Variants in XPR1 observed in about 807,000 individuals in gnomAD.
XPR1 encodes solute carrier family 53 member 1.
In XPR1, 28 loss-of-function variants were observed where a neutral mutation model predicts 87.5. The ratio of observed to expected loss-of-function variants is 0.32; its 90% confidence interval spans 0.24 to 0.44. The LOEUF is 0.44. Ranked by LOEUF, XPR1 falls within the 20% of genes least tolerant of loss-of-function variation. The probability of loss-of-function intolerance (pLI) is 1.00; values close to 1 mark genes in which losing one functional copy is unlikely to be tolerated. For missense variants in XPR1, 559 were observed against 862.3 expected (o/e 0.65, Z 4.41); for synonymous variants, 300 against 306.1 (o/e 0.98, Z 0.21).
At chr1:180,812,973 T>TAGC (rs1481233906) in intron 7 of XPR1, among the ~76,000 whole-genome samples, 1 of 151,920 alleles carries the variant, frequency 6.6e-6, no homozygotes, top group Non-Finnish European at 1.5e-5. Flanking sequence ...GTTTAGTGTA[T>TAGC]AGCAGCCTTC....
intron 2 of XPR1, among the ~76,000 whole-genome samples, chr1:180,750,075 A>AGAC (rs1647465350): frequency 6.6e-6 from 1 of 152,226 alleles, no homozygotes; most frequent in Non-Finnish European, 1.5e-5. Context: ...AGCACTTGTC[A>AGAC]GTATTTCCTT....
rs549323102 is a variant in XPR1, at chr1:180,887,793, T to C, written c.*3727T>C. 6.6e-6 allele frequency: 1 copy of C among 152,362 alleles called. No homozygotes were observed. The highest frequency in any genetic ancestry group is 2.1e-4 in the South Asian group (1 of 4,832). 9.4% of individuals were successfully genotyped at this position (152,362 alleles called of 1,614,324 possible). On this transcript the variant is annotated 3_prime_UTR_variant, in exon 15 of 15. Coordinates refer to ENST00000367590, the MANE Select transcript of XPR1 (RefSeq NM_004736.4). ...GAGAGTTCTGTGACTTTAACTGAGC[T>C]CTTTACCAGAAGTAACGTGTTGATG...
chr1:180,736,007 A>G (rs1658716715), intron 2 of XPR1, among the ~76,000 whole-genome samples: 1 of 152,202 alleles, frequency 6.6e-6, no homozygotes, highest in Admixed American at 6.5e-5. Context: ...AATAGATACT[A>G]GCCCTGTCCT....
rs140620333 is a variant in XPR1 at position 180,671,743 on chromosome 1, G to A, written c.70-10617G>A. ...TTGGCCAGGCTGATCTTGAACTCCT[G>A]ACCTTGTGATCTGCCTGCTTCGGCC... On this transcript the variant is annotated intron_variant, in intron 1 of 14. Coordinates refer to ENST00000367590, the MANE Select transcript of XPR1 (RefSeq NM_004736.4). Among the ~76,000 whole-genome samples, 696 of 152,236 alleles carry A rather than the reference G, an allele frequency of 4.6e-3. 12 individuals carry two copies. The highest frequency in any genetic ancestry group is 0.016 in the African/African-American group (673 of 41,540).
At chr1:180,734,004 A>G (rs1356810341) in intron 2 of XPR1, among the ~76,000 whole-genome samples, 1 of 152,196 alleles carries the variant, frequency 6.6e-6, no homozygotes, top group Non-Finnish European at 1.5e-5. Flanking sequence ...TTTACTGATG[A>G]GAGAAACAGT....
chr1:180,680,069 A>G (rs549706845), intron 1 of XPR1, among the ~76,000 whole-genome samples: 1 of 152,324 alleles, frequency 6.6e-6, no homozygotes, highest in African/African-American at 2.4e-5. Flanking sequence ...TGGGCAAGTG[A>G]TCTGAACAGA....
intron 2 of XPR1, among the ~76,000 whole-genome samples, chr1:180,716,985 C>T (rs1042345022): frequency 7.2e-5 from 11 of 152,040 alleles, no homozygotes; most frequent in Admixed American, 7.2e-4. Context: ...GCCAAACACA[C>T]GTAATTTTCT....
At chr1:180,777,005 A>G (rs1360011964) in intron 2 of XPR1, among the ~76,000 whole-genome samples, 3 of 152,230 alleles carry the variant, frequency 2.0e-5, no homozygotes, top group African/African-American at 7.2e-5. Context: ...TTTTGCAGAA[A>G]TTAGCAGTTT....
chr1:180,661,743 C>A (rs1339403114), intron 1 of XPR1, among the ~76,000 whole-genome samples: 1 of 152,014 alleles, frequency 6.6e-6, no homozygotes, highest in African/African-American at 2.4e-5. Context: ...GGCATGGTGG[C>A]ACGTACCTGT....
Position 180,806,466 on chromosome 1 carries a change from C to T in XPR1, c.598-8C>T, listed in dbSNP as rs758777793. ...ACCTAACCAAAATGTAATAATTTGT[C>T]TTTCTAGGCTGTAGTGACCAATGAA... On this transcript the variant is annotated splice_polypyrimidine_tract_variant and splice_region_variant and intron_variant, in intron 5 of 14. Coordinates refer to ENST00000367590, the MANE Select transcript of XPR1 (RefSeq NM_004736.4). The T allele has an allele frequency of 2.5e-6, 4 of 1,611,844 alleles. No homozygotes were observed. The highest frequency in any genetic ancestry group is 3.4e-6 in the Non-Finnish European group (4 of 1,178,576).
chr1:180,739,028 A>G (rs2102020240), intron 2 of XPR1, among the ~76,000 whole-genome samples: 1 of 152,146 alleles, frequency 6.6e-6, no homozygotes, highest in Non-Finnish European at 1.5e-5. Context: ...TCGCTCTGTC[A>G]TCCATTTTGA....
intron 1 of XPR1, among the ~76,000 whole-genome samples, chr1:180,676,648 C>G (rs1291201340): frequency 6.6e-6 from 1 of 152,158 alleles, no homozygotes; most frequent in African/African-American, 2.4e-5. Flanking sequence ...ATAAGCTCTT[C>G]TTGACTAACT....
chr1:180,831,749 G>A (rs1335076523), intron 9 of XPR1, among the ~76,000 whole-genome samples: 2 of 152,066 alleles, frequency 1.3e-5, no homozygotes, highest in South Asian at 2.1e-4. Flanking sequence ...TGGCTGCATA[G>A]TATTCCATGG....
At chr1:180,794,067 C>T (rs922432090) in intron 3 of XPR1, among the ~76,000 whole-genome samples, 1 of 152,094 alleles carries the variant, frequency 6.6e-6, no homozygotes, top group African/African-American at 2.4e-5. Context: ...AATATAGTTA[C>T]GTGTCACTTA....
At chr1:180,708,049 A>T (rs1276601892) in intron 2 of XPR1, among the ~76,000 whole-genome samples, 1 of 152,222 alleles carries the variant, frequency 6.6e-6, no homozygotes, top group African/African-American at 2.4e-5. Flanking sequence ...TAGACTATTT[A>T]GGCACAATAT....
chr1:180,706,619 T>C (rs1297523854), intron 2 of XPR1, among the ~76,000 whole-genome samples: 1 of 152,156 alleles, frequency 6.6e-6, no homozygotes, highest in African/African-American at 2.4e-5. Flanking sequence ...AAGCTTTTTT[T>C]TTTTTTCCCC....
intron 11 of XPR1, among the ~76,000 whole-genome samples, chr1:180,862,442 C>G (rs149134388): frequency 6.6e-6 from 1 of 152,050 alleles, no homozygotes; most frequent in Non-Finnish European, 1.5e-5. Flanking sequence ...CCTTCAGCCT[C>G]GAATGACCTC....
At chr1:180,810,010 T>C (rs1650150242) in intron 6 of XPR1, among the ~76,000 whole-genome samples, 1 of 152,156 alleles carries the variant, frequency 6.6e-6, no homozygotes, top group African/African-American at 2.4e-5. Context: ...ACAAAATACC[T>C]GAAATGTACT....
chr1:180,854,160 T>A (rs1208206814), intron 11 of XPR1, among the ~76,000 whole-genome samples: 1 of 152,230 alleles, frequency 6.6e-6, no homozygotes, highest in African/African-American at 2.4e-5. Flanking sequence ...TTTTTCACAT[T>A]CAACTTATTA....
Sources: gnomAD v4.1 joint callset for allele counts (sites outside exome capture counted in the v4.1 genomes callset) on GRCh38, gnomAD v4.1.1 for gene constraint, MANE v1.5 for transcripts, NCBI Gene and HGNC (gene_info 2026-07-23, HGNC 2026-07-21) for gene names.